Variants in NFRKB observed in about 807,000 individuals in gnomAD.
NFRKB encodes the protein nuclear factor related to kappa-B-binding protein.
Under a neutral mutation model 135.7 loss-of-function variants are expected in NFRKB, and 62 were observed. The observed-to-expected ratio is 0.46, with a 90% confidence interval of 0.37 to 0.56. NFRKB has a LOEUF of 0.56. NFRKB is among the 20% of genes least tolerant of loss of function. The pLI, the probability that NFRKB is intolerant of heterozygous loss-of-function variation, is 0.00. For synonymous variants in NFRKB, 678 were observed against 635.6 expected (o/e 1.07, Z -1.00); for missense variants, 1,545 against 1,662.0 (o/e 0.93, Z 1.22).
In NFRKB at chr11:129,881,438, C is replaced by G; in HGVS notation, c.1384+5G>C. On this transcript the variant is annotated splice_donor_5th_base_variant and intron_variant, in intron 13 of 26. Coordinates refer to ENST00000682444, the MANE Select transcript of NFRKB (RefSeq NM_001143835.2). The stretch of plus-strand genomic sequence containing the variant: ...CTGTTGGGGTAGGTAATACGGATCA[C>G]TTACCAAGCAACTTCCACTGCTGGG... The G allele has an allele frequency of 6.2e-7, 1 of 1,614,042 alleles. No homozygotes were observed. The highest frequency in any genetic ancestry group is 8.5e-7 in the Non-Finnish European group (1 of 1,179,924).
intron 5 of NFRKB, 144 bp from the exon 6 acceptor site, chr11:129,885,753 A>G: frequency 4.1e-6 from 3 of 722,990 alleles, no homozygotes; most frequent in Non-Finnish European, 4.3e-6. Flanking sequence ...GCACATATAT[A>G]TTAATATATC....
intron 15 of NFRKB, 142 bp from the exon 16 acceptor site, chr11:129,877,527 A>G: frequency 1.3e-6 from 1 of 755,324 alleles, no homozygotes; most frequent in Non-Finnish European, 2.3e-6. Context: ...CGAAGAGCCC[A>G]CCTTCCAGCT....
chr11:129,884,204 C>A, intron 7 of NFRKB, 61 bp from the exon 8 acceptor site: 1 of 1,464,958 alleles, frequency 6.8e-7, no homozygotes, highest in Non-Finnish European at 9.1e-7. Flanking sequence ...TCTTTCTGGT[C>A]ACTTTCAAAA....
intron 23 of NFRKB, among the ~76,000 whole-genome samples, chr11:129,871,402 G>A (rs186161257): frequency 9.9e-5 from 15 of 152,070 alleles, no homozygotes; most frequent in Admixed American, 6.5e-4. Context: ...TGAAGCCCAC[G>A]CATTATCCTG....
intron 25 of NFRKB, among the ~76,000 whole-genome samples, chr11:129,865,632 T>A (rs575026350): frequency 3.3e-5 from 5 of 152,338 alleles, no homozygotes; most frequent in Non-Finnish European, 5.9e-5. Context: ...ATGTTGCTTT[T>A]TTATTATTTC....
rs1948657007 is a variant in NFRKB at position 129,874,228 on chromosome 11, G to A, written c.2164C>T (p.Pro722Ser). The change falls in exon 21 of 27, where the codon CCT becomes TCT. Residue 722 changes from proline to serine, a missense_variant. By Grantham distance (74) the Pro-to-Ser change is moderately conservative (BLOSUM62 -1). Around this residue, in one of 3 missense-constraint regions of NFRKB, gnomAD observed 753 missense variants for 804.3 expected, o/e 0.94. Transcript: ENST00000682444. The surrounding 1 kb of genome is among the most constrained non-coding windows in gnomAD (Gnocchi z 4.5). ...DSSMPPTPVTPVTPTTPALPA... is the reference protein window; with the variant it reads ...DSSMPPTPVTSVTPTTPALPA... ...AATGCTGGTGTGGTGGGGGTTACAG[G>A]TGTGACTGGGGTGGGTGGCATACTG... 1.3e-6 allele frequency: 2 copies of A among 1,519,528 alleles called. No homozygotes were observed. Among genetic ancestry groups the A allele is most frequent in the Non-Finnish European group, 1.8e-6 (2 of 1,136,464 alleles). The allele number at this position is 1,519,528 out of a possible 1,614,324, so 94.1% of individuals were successfully genotyped here.
At chr11:129,868,075 T>G (rs1338260294) in intron 24 of NFRKB, among the ~76,000 whole-genome samples, 1 of 152,066 alleles carries the variant, frequency 6.6e-6, no homozygotes, top group African/African-American at 2.4e-5. Context: ...ACACGAAACC[T>G]AGAAACCATT....
rs1406997044 is a variant in NFRKB, at chr11:129,869,648, G to T, written c.3377C>A (p.Thr1126Asn). ...SVASGSGTVH[T>N]SAVSLPSMNA... ...CATACTGGGTAAGGACACCGCTGAA[G>T]TATGGACAGTTCCAGACCCACTGGC... is the stretch of plus-strand genomic sequence containing the variant. The change falls in exon 24 of 27, where the codon ACT (threonine) becomes AAT (asparagine). Residue 1126 changes from threonine to asparagine, a missense_variant. By Grantham distance (65) the Thr-to-Asn change is moderately conservative. Coordinates refer to ENST00000682444, the MANE Select transcript of NFRKB (RefSeq NM_001143835.2). 1 of 1,614,232 alleles carries T rather than the reference G, an allele frequency of 6.2e-7. No individual in the cohort carries two copies.
intron 3 of NFRKB, among the ~76,000 whole-genome samples, chr11:129,889,717 C>T (rs925167964): frequency 2.3e-5 from 3 of 129,398 alleles, no homozygotes; most frequent in South Asian, 2.4e-4. Context: ...CACCAAAAAA[C>T]GGTTAAGACA....
At chr11:129,893,387 T>C in intron 2 of NFRKB, 1 of 5,330 alleles carries the variant, frequency 1.9e-4, no homozygotes, top group Non-Finnish European at 2.9e-4. Flanking sequence ...ACCCCTTCTC[T>C]ACAAAAAAAA....
Position 129,879,252 on chromosome 11 carries a change from A to G in NFRKB, c.1385-709T>C, listed in dbSNP as rs148447617. Among the ~76,000 whole-genome samples, 479 of 152,302 alleles carry G rather than the reference A, an allele frequency of 3.1e-3. 5 individuals are homozygous for G. The highest frequency in any genetic ancestry group is 0.011 in the African/African-American group (440 of 41,552). Reference sequence around the variant, plus strand: ...TTTGTTTTCATGGTCAATACACAATATCACTATTTGCAGAAACCTCCCAAC... The same window carrying G: ...TTTGTTTTCATGGTCAATACACAATGTCACTATTTGCAGAAACCTCCCAAC... On this transcript the variant is annotated intron_variant, in intron 13 of 26. Transcript: ENST00000682444.
At chr11:129,865,316 C>A (rs1192355145) in intron 25 of NFRKB, among the ~76,000 whole-genome samples, 1 of 152,222 alleles carries the variant, frequency 6.6e-6, no homozygotes. Context: ...GACCCCAGTG[C>A]TCTGGATAAA....
chr11:129,885,746 C>G, intron 5 of NFRKB, 137 bp from the exon 6 acceptor site: 1 of 753,558 alleles, frequency 1.3e-6, no homozygotes, highest in Non-Finnish European at 2.0e-6. Context: ...GAAAGATGCA[C>G]ATATATATTA....
At chr11:129,868,830 G>C (rs1048445448) in intron 24 of NFRKB, among the ~76,000 whole-genome samples, 7 of 152,222 alleles carry the variant, frequency 4.6e-5, no homozygotes, top group Admixed American at 6.5e-5. Flanking sequence ...GGATTATCGC[G>C]ACCAGCATGG....
chr11:129,875,526 C>A, intron 17 of NFRKB, 63 bp from the exon 18 acceptor site: 1 of 1,309,438 alleles, frequency 7.6e-7, no homozygotes, highest in Non-Finnish European at 1.1e-6. Context: ...GGTACAATCT[C>A]CTGTACCTGC....
At chr11:129,886,226 G>T in intron 5 of NFRKB, 91 bp downstream of exon 5, 2 of 1,447,296 alleles carry the variant, frequency 1.4e-6, no homozygotes, top group Non-Finnish European at 9.4e-7. Context: ...TTTCTTCGTG[G>T]CAATTTTTGT....
intron 1 of NFRKB, 128 bp from the exon 2 acceptor site, chr11:129,894,566 C>T (rs1458611206): frequency 3.9e-5 from 6 of 152,316 alleles, no homozygotes; most frequent in South Asian, 2.1e-4. Context: ...GCATGTTCCA[C>T]TAAATTATTT....
intron 13 of NFRKB, among the ~76,000 whole-genome samples, 181 bp downstream of exon 13, chr11:129,881,262 T>C (rs11820190): frequency 0.16 from 24,278 of 152,180 alleles, 2,066 homozygotes; most frequent in South Asian, 0.27. Context: ...CCAGAGGAGT[T>C]AGTTAACCCA....
chr11:129,873,755 A>T lies in NFRKB; in HGVS notation c.2540T>A (p.Val847Glu). 8.1e-6 allele frequency: 13 copies of T among 1,613,700 alleles called. No homozygotes were observed. The highest frequency in any genetic ancestry group is 1.1e-5 in the Non-Finnish European group (13 of 1,179,708). ...RVPATATQTK[V>E]VPQTVMATVP... ...GGCTTCCCTGTTTACCTGGGGCACT[A>T]CTTTGGTCTGTGTGGCAGTGGCTGG... The change falls in exon 22 of 27, where the codon GTA becomes GAA. Residue 847 changes from valine (V) to glutamate (E), a missense_variant. Transcript: ENST00000682444.
Sources: allele counts gnomAD v4.1 joint callset (sites outside exome capture counted in the v4.1 genomes callset), GRCh38; gene constraint gnomAD v4.1.1; regional missense constraint gnomAD v4.1.1; non-coding constraint Gnocchi (gnomAD v3.1); transcripts MANE v1.5; gene names NCBI Gene and HGNC (gene_info 2026-07-23, HGNC 2026-07-21).